ST6GALNAC5: variants seen among roughly 807,000 people sequenced by gnomAD.
The protein encoded by ST6GALNAC5 is ST6 N-acetylgalactosaminide alpha-2,6-sialyltransferase 5.
In ST6GALNAC5, 27 loss-of-function variants were observed where a neutral mutation model predicts 33.6. The observed-to-expected ratio is 0.80, with a 90% CI of 0.59 to 1.11. ST6GALNAC5 has a LOEUF of 1.11. Among genes scored for constraint, ST6GALNAC5 ranks in the 50% least tolerant of loss-of-function variants. The probability of loss-of-function intolerance (pLI) is 0.00; values close to 1 mark genes in which losing one functional copy is unlikely to be tolerated. For missense variants in ST6GALNAC5, 428 were observed against 454.0 expected (o/e 0.94, Z 0.52); for synonymous variants, 194 against 171.2 (o/e 1.13, Z -1.04).
intron 2 of ST6GALNAC5, among the ~76,000 whole-genome samples, chr1:76,912,125 T>C (rs1646920142): frequency 6.6e-6 from 1 of 152,176 alleles, no homozygotes; most frequent in Admixed American, 6.6e-5. Flanking sequence ...GTATGTTGTG[T>C]CTTTGTTCTC....
intron 2 of ST6GALNAC5, among the ~76,000 whole-genome samples, chr1:76,875,429 G>A (rs1200083882): frequency 6.6e-6 from 1 of 152,162 alleles, no homozygotes; most frequent in Non-Finnish European, 1.5e-5. Context: ...CCGTTGTGGA[G>A]TAGTGGACTG....
intron 2 of ST6GALNAC5, among the ~76,000 whole-genome samples, chr1:76,950,553 A>G (rs975876506): frequency 1.3e-5 from 2 of 152,114 alleles, no homozygotes; most frequent in Admixed American, 6.6e-5. Flanking sequence ...CTCTGCCCTC[A>G]AGGAGATGAT....
At chr1:76,985,720 C>T (rs1291573242) in intron 2 of ST6GALNAC5, among the ~76,000 whole-genome samples, 2 of 152,108 alleles carry the variant, frequency 1.3e-5, no homozygotes, top group East Asian at 3.8e-4. Context: ...GCAAAAAGAA[C>T]AAAGCTGGAG....
chr1:76,926,599 T>C (rs1025104841), intron 2 of ST6GALNAC5, among the ~76,000 whole-genome samples: 10 of 152,178 alleles, frequency 6.6e-5, no homozygotes, highest in Middle Eastern at 3.2e-3. Context: ...TATGAGTATG[T>C]AGGTTGTTTC....
intron 2 of ST6GALNAC5, among the ~76,000 whole-genome samples, chr1:76,955,497 C>T (rs1647922410): frequency 6.6e-6 from 1 of 152,064 alleles, no homozygotes; most frequent in African/African-American, 2.4e-5. Context: ...CTGTGATATT[C>T]CCCACTCATG....
At chr1:76,877,870 T>G (rs527375207) in intron 2 of ST6GALNAC5, among the ~76,000 whole-genome samples, 1 of 152,204 alleles carries the variant, frequency 6.6e-6, no homozygotes, top group African/African-American at 2.4e-5. Flanking sequence ...GCAAATTGCT[T>G]CTAGTGGGCC....
intron 2 of ST6GALNAC5, among the ~76,000 whole-genome samples, chr1:76,907,159 C>T (rs1646871084): frequency 6.6e-6 from 1 of 152,152 alleles, no homozygotes; most frequent in African/African-American, 2.4e-5. Flanking sequence ...TCCTTCAAGC[C>T]ATCACCACGA....
chr1:77,044,564 A>G lies in ST6GALNAC5; in HGVS notation c.622A>G (p.Lys208Glu). The G allele has an allele frequency of 6.3e-7, 1 of 1,590,324 alleles. No homozygotes were observed. ...RLKAFMITRH[K>E]MLQFDELFKQ... ...GAAGGCCTTCATGATTACTCGCCAC[A>G]AGATGCTGCAGTTTGATGAGCTCTT... Residue 208 changes from lysine to glutamate, a missense_variant, in exon 3 of 5, where the codon AAG becomes GAG. Lys to Glu is a moderately conservative substitution (Grantham distance 56). Coordinates refer to ENST00000477717, the MANE Select transcript of ST6GALNAC5 (RefSeq NM_030965.3).
chr1:77,041,552 G>A (rs571279562), intron 2 of ST6GALNAC5, among the ~76,000 whole-genome samples: 298 of 152,290 alleles, frequency 2.0e-3, no homozygotes, highest in Non-Finnish European at 3.4e-3. Context: ...GGATGTGCAA[G>A]TAAAATAAGG....
intron 2 of ST6GALNAC5, among the ~76,000 whole-genome samples, chr1:76,884,165 C>A (rs56282414): frequency 0.037 from 5,563 of 152,168 alleles, 231 homozygotes; most frequent in African/African-American, 0.1. Flanking sequence ...TTTCTGCCTG[C>A]CTTAAGTTTC....
chr1:76,927,202 C>T (rs946161003), intron 2 of ST6GALNAC5, among the ~76,000 whole-genome samples: 7 of 151,836 alleles, frequency 4.6e-5, no homozygotes, highest in Admixed American at 1.3e-4. Flanking sequence ...TCATATTTGG[C>T]TTTTGCATTT....
chr1:77,002,558 T>C (rs1342547869), intron 2 of ST6GALNAC5, among the ~76,000 whole-genome samples: 3 of 149,840 alleles, frequency 2.0e-5, no homozygotes, highest in Non-Finnish European at 3.0e-5. Context: ...GCTCTTGCTT[T>C]TCTAGTTCTT....
chr1:76,975,527 G>C (rs947183200), intron 2 of ST6GALNAC5, among the ~76,000 whole-genome samples: 2 of 152,144 alleles, frequency 1.3e-5, no homozygotes, highest in East Asian at 3.9e-4. Context: ...ATAAATTGGA[G>C]TTACTTTAAT....
intron 3 of ST6GALNAC5, among the ~76,000 whole-genome samples, chr1:77,048,158 C>T (rs1652078778): frequency 6.6e-6 from 1 of 152,234 alleles, no homozygotes; most frequent in African/African-American, 2.4e-5. Context: ...TGTGCAGCCA[C>T]ATCCTCCTGT....
At chr1:76,894,485 A>T (rs1376978122) in intron 2 of ST6GALNAC5, among the ~76,000 whole-genome samples, 1 of 151,730 alleles carries the variant, frequency 6.6e-6, no homozygotes. Context: ...CAGGGGGGGG[A>T]TCTTTAAGCA....
intron 4 of ST6GALNAC5, among the ~76,000 whole-genome samples, chr1:77,056,691 G>A (rs866104085): frequency 6.6e-6 from 1 of 152,158 alleles, no homozygotes; most frequent in East Asian, 1.9e-4. Flanking sequence ...TGGCAATGCC[G>A]CCCATGTGGT....
At chr1:76,956,411 G>A (rs2100343927) in intron 2 of ST6GALNAC5, among the ~76,000 whole-genome samples, 1 of 152,194 alleles carries the variant, frequency 6.6e-6, no homozygotes, top group Admixed American at 6.5e-5. Context: ...AGTCACAAAA[G>A]CAGTAAGAGG....
rs571462793 is a variant in ST6GALNAC5 at position 76,947,597 on chromosome 1, T to G, written c.261+78855T>G. 9.9e-5 allele frequency among the ~76,000 whole-genome samples: 15 copies of G among 151,906 alleles called. No homozygotes were observed. The South Asian group carries it at 2.7e-3, about 27-fold the overall frequency. On this transcript the variant is annotated intron_variant, in intron 2 of 4. Transcript: ENST00000477717. ...AATAAAAAATTTTACATTAGCTAGG[T>G]GTGGTGGCATGTGCCCATTGACCCA...
chr1:76,931,804 C>A (rs1186680520), intron 2 of ST6GALNAC5, among the ~76,000 whole-genome samples: 1 of 152,038 alleles, frequency 6.6e-6, no homozygotes, highest in Non-Finnish European at 1.5e-5. Flanking sequence ...TGGATTAAAT[C>A]ACCTGATCAT....
Sources: allele counts gnomAD v4.1 joint callset (sites outside exome capture counted in the v4.1 genomes callset), GRCh38; gene constraint gnomAD v4.1.1; transcripts MANE v1.5; gene names NCBI Gene and HGNC (gene_info 2026-07-23, HGNC 2026-07-21).